Variants in RUNX1 observed in about 807,000 individuals in gnomAD.
RUNX1 encodes runt-related transcription factor 1.
In RUNX1, 19 loss-of-function variants were observed where a neutral mutation model predicts 42.8. The ratio of observed to expected loss-of-function variants is 0.44; its 90% confidence interval spans 0.31 to 0.65. The LOEUF is 0.65. Ranked by LOEUF, RUNX1 falls within the 30% of genes least tolerant of loss-of-function variation. RUNX1 has a pLI of 0.07. For synonymous variants in RUNX1, 271 were observed against 289.4 expected (o/e 0.94, Z 0.64); for missense variants, 528 against 672.0 (o/e 0.79, Z 2.37).
At chr21:35,024,185 A>C (rs1395216890) in intron 2 of RUNX1, among the ~76,000 whole-genome samples, 2 of 152,162 alleles carry the variant, frequency 1.3e-5, no homozygotes, top group African/African-American at 4.8e-5. Context: ...CTTCAAGGGA[A>C]AGAGTAGATC....
intron 1 of RUNX1, 52 bp downstream of exon 1, chr21:35,049,116 A>G: frequency 7.5e-6 from 1 of 132,830 alleles, no homozygotes; most frequent in South Asian, 2.2e-4. Flanking sequence ...GTTAAAGATT[A>G]AAAAAAAAAA....
At chr21:34,820,788 G>A (rs185963536) in intron 7 of RUNX1, among the ~76,000 whole-genome samples, 146 of 152,234 alleles carry the variant, frequency 9.6e-4, no homozygotes, top group African/African-American at 3.2e-3. Context: ...GCAGTGTGAC[G>A]TACAGCATGG....
intron 2 of RUNX1, among the ~76,000 whole-genome samples, chr21:34,984,296 G>A (rs184434360): frequency 6.6e-6 from 1 of 152,270 alleles, no homozygotes; most frequent in Admixed American, 6.5e-5. Flanking sequence ...GGCCAAGGAT[G>A]GATAATTTGT....
chr21:34,799,492 G>A (rs374831559), intron 7 of RUNX1, 30 bp from the exon 8 acceptor site: 57 of 1,599,612 alleles, frequency 3.6e-5, no homozygotes, highest in Non-Finnish European at 4.4e-5. Flanking sequence ...TCAATTATAT[G>A]TAAAGTGGGG....
intron 7 of RUNX1, among the ~76,000 whole-genome samples, chr21:34,826,969 C>T (rs2056997147): frequency 6.6e-6 from 1 of 152,172 alleles, no homozygotes. Flanking sequence ...AGGGGCAATT[C>T]TGGTGAGGGC....
intron 2 of RUNX1, among the ~76,000 whole-genome samples, chr21:35,048,384 A>G (rs189794044): frequency 4.6e-5 from 7 of 152,356 alleles, no homozygotes; most frequent in African/African-American, 1.2e-4. Flanking sequence ...CACTGGCACC[A>G]GCCCTCCTGG....
intron 2 of RUNX1, among the ~76,000 whole-genome samples, chr21:34,937,698 T>A (rs1192646786): frequency 6.9e-6 from 1 of 145,668 alleles, no homozygotes; most frequent in Admixed American, 6.8e-5. Flanking sequence ...CAGTTTCCCA[T>A]GAAAAAAAAA....
chr21:34,832,699 C>T (rs1453734259), intron 7 of RUNX1, among the ~76,000 whole-genome samples: 3 of 152,144 alleles, frequency 2.0e-5, no homozygotes, highest in African/African-American at 4.8e-5. Flanking sequence ...AAGCCCATCT[C>T]GCTCACTGAA....
At position 34,856,035 on chromosome 21, in the gene RUNX1, C is replaced by A. The variant is rs572641412; in HGVS notation, c.613+3439G>T. Among the ~76,000 whole-genome samples the A allele has an allele frequency of 2.6e-5, 4 of 152,316 alleles. No individual in the cohort carries two copies. In the East Asian group the frequency reaches 7.7e-4, roughly 29 times the overall value. ...GATTTTCTAAGGGGCAGGTCCATTA[C>A]TGTAAAAGAGCAAGAAACCATCTGA... On this transcript the variant is annotated intron_variant, in intron 6 of 8. Coordinates refer to ENST00000675419, the MANE Select transcript of RUNX1 (RefSeq NM_001754.5).
intron 2 of RUNX1, among the ~76,000 whole-genome samples, chr21:34,994,395 A>T (rs1291744561): frequency 6.6e-6 from 1 of 152,258 alleles, no homozygotes; most frequent in African/African-American, 2.4e-5. Context: ...TACATTTTAA[A>T]ATAACTAAAA....
At chr21:34,798,501 CTGTA>C (rs1280959926) in intron 8 of RUNX1, among the ~76,000 whole-genome samples, 1 of 152,116 alleles carries the variant, frequency 6.6e-6, no homozygotes, top group Non-Finnish European at 1.5e-5. Context: ...CCTCTGGCCT[CTGTA>C]TGAACAGCGC....
intron 2 of RUNX1, among the ~76,000 whole-genome samples, chr21:34,962,264 T>C (rs2058686944): frequency 6.6e-6 from 1 of 152,220 alleles, no homozygotes; most frequent in Non-Finnish European, 1.5e-5. Context: ...ATTGCACTGT[T>C]TGCTCCCACT....
intron 7 of RUNX1, among the ~76,000 whole-genome samples, chr21:34,810,968 A>G (rs966512462): frequency 5.9e-5 from 9 of 152,182 alleles, no homozygotes; most frequent in African/African-American, 2.2e-4. Context: ...AGGATGCAAC[A>G]TAAGCCCTTC....
intron 7 of RUNX1, among the ~76,000 whole-genome samples, chr21:34,805,817 A>G (rs1199383378): frequency 6.6e-6 from 1 of 152,238 alleles, no homozygotes; most frequent in Non-Finnish European, 1.5e-5. Context: ...ACTGTTTACA[A>G]TAATAGTAAC....
intron 2 of RUNX1, among the ~76,000 whole-genome samples, chr21:34,983,612 A>C (rs1005713779): frequency 6.6e-6 from 1 of 152,182 alleles, no homozygotes; most frequent in African/African-American, 2.4e-5. Context: ...ATTCTTGGCT[A>C]CCTGGGGCAG....
rs111430453 is a variant in RUNX1 at position 34,970,133 on chromosome 21, C to T, written c.59-77170G>A. 7.9e-5 allele frequency among the ~76,000 whole-genome samples: 12 copies of T among 152,286 alleles called. 1 individual carries two copies. The highest frequency in any genetic ancestry group is 2.9e-4 in the African/African-American group (12 of 41,562). On this transcript the variant is annotated intron_variant, in intron 2 of 8. Transcript: ENST00000675419. ...CTACGGTATTTAACACTTTTTCATG[C>T]CTTCAGATAAGACTTTGTGCAGCTA...
chr21:34,886,765 C>T, intron 4 of RUNX1, 78 bp downstream of exon 4: 2 of 1,604,748 alleles, frequency 1.2e-6, no homozygotes, highest in African/African-American at 1.3e-5. Context: ...CCCCGCCCGC[C>T]TGGCCGCTGC....
At chr21:34,842,638 T>A (rs979980415) in intron 6 of RUNX1, among the ~76,000 whole-genome samples, 3 of 152,130 alleles carry the variant, frequency 2.0e-5, no homozygotes, top group African/African-American at 7.2e-5. Flanking sequence ...GCTTCTCCTG[T>A]TTCTTTGTAG....
intron 3 of RUNX1, chr21:34,887,895 C>G (rs1248729683): frequency 1.9e-6 from 2 of 1,064,902 alleles, no homozygotes; most frequent in Non-Finnish European, 2.3e-6. Flanking sequence ...TCTGTCAAAA[C>G]GCTCAGTGCA....
Sources: allele counts gnomAD v4.1 joint callset (sites outside exome capture counted in the v4.1 genomes callset), GRCh38; gene constraint gnomAD v4.1.1; transcripts MANE v1.5; gene names NCBI Gene and HGNC (gene_info 2026-07-23, HGNC 2026-07-21).